ZNF664: variants seen among roughly 807,000 people sequenced by gnomAD.
The protein encoded by ZNF664 is zinc finger protein 664.
In ZNF664, 10 loss-of-function variants were observed where a neutral mutation model predicts 18.2. The observed-to-expected ratio is 0.55, with a 90% confidence interval of 0.34 to 0.93. ZNF664 has a LOEUF of 0.93. ZNF664 is among the 40% of genes least tolerant of loss of function. ZNF664 has a pLI of 0.02. For missense variants in ZNF664, 193 were observed against 319.0 expected (o/e 0.61, Z 3.01); for synonymous variants, 119 against 104.2 (o/e 1.14, Z -0.86).
chr12:123,982,723 A>G (rs371094649), intron 2 of ZNF664, among the ~76,000 whole-genome samples: 1 of 152,234 alleles, frequency 6.6e-6, no homozygotes, highest in East Asian at 1.9e-4. Flanking sequence ...GCAGACGAGG[A>G]CACTCAGGAG....
intron 2 of ZNF664, among the ~76,000 whole-genome samples, chr12:123,978,105 A>G (rs1956717583): frequency 6.6e-6 from 1 of 152,222 alleles, no homozygotes; most frequent in Non-Finnish European, 1.5e-5. Flanking sequence ...AACAATAGAG[A>G]AAATAATAAT....
rs571735552 is a variant in ZNF664, at chr12:123,973,971, G to A, written c.-806G>A. On this transcript the variant is annotated 5_prime_UTR_variant, in exon 2 of 5. Coordinates refer to ENST00000337815, the MANE Select transcript of ZNF664 (RefSeq NM_152437.3). ...GCACCCAGCGCAGAAGGCTGCTGCC[G>A]CCGGACGCCTCCATTGTTTGACCAC... 2 of 1,231,798 alleles carry A rather than the reference G, an allele frequency of 1.6e-6. No homozygotes were observed. Among genetic ancestry groups the A allele is most frequent in the Non-Finnish European group, 2.0e-6 (2 of 988,098 alleles). The allele number at this position is 1,231,798 out of a possible 1,614,324, so 76.3% of individuals were successfully genotyped here. A position where few individuals can be genotyped will look rare whatever the true frequency, so the allele number is the denominator to read the frequency against.
chr12:124,008,775 C>G (rs1422399324), intron 3 of ZNF664, among the ~76,000 whole-genome samples: 1 of 152,104 alleles, frequency 6.6e-6, no homozygotes, highest in Non-Finnish European at 1.5e-5. Context: ...CTTTCTTATT[C>G]CTTTTGATGC....
At chr12:124,011,243 G>C (rs1423425551) in intron 3 of ZNF664, 138 bp from the exon 4 acceptor site, 1 of 962,770 alleles carries the variant, frequency 1.0e-6, no homozygotes, top group Admixed American at 6.2e-5. Context: ...CTCACATGTA[G>C]GTCTTTTTGA....
At chr12:124,009,934 C>T (rs148390974) in intron 3 of ZNF664, among the ~76,000 whole-genome samples, 29 of 150,168 alleles carry the variant, frequency 1.9e-4, no homozygotes, top group African/African-American at 6.1e-4. Flanking sequence ...CACTCCATGT[C>T]AGTGCACAGT....
chr12:123,973,874 T>A lies in ZNF664; in HGVS notation c.-891-12T>A. The stretch of plus-strand genomic sequence containing the variant: ...GAGGAGCCGGCTGCATGGGGTGCTG[T>A]GTGTTTTTCAGGGCGCCCTGCGTCC... On this transcript the variant is annotated splice_polypyrimidine_tract_variant and intron_variant, in intron 1 of 4. Coordinates refer to ENST00000337815, the MANE Select transcript of ZNF664 (RefSeq NM_152437.3). 1 of 1,038,842 alleles carries A rather than the reference T, an allele frequency of 9.6e-7. No homozygotes were observed. The highest frequency in any genetic ancestry group is 1.2e-6 in the Non-Finnish European group (1 of 820,988). 64.4% of individuals were successfully genotyped at this position (1,038,842 alleles called of 1,614,324 possible).
At position 124,013,207 on chromosome 12, in the gene ZNF664, A is replaced by C; in HGVS notation, c.*277A>C. On this transcript the variant is annotated 3_prime_UTR_variant, in exon 5 of 5. Transcript: ENST00000337815. ...TCCAGCACGATGCCTCCATAGTTGA[A>C]AGACTACACAAAAAGCCACAATCAT... 2.2e-6 allele frequency: 1 copy of C among 456,932 alleles called. No homozygotes were observed. Among genetic ancestry groups the C allele is most frequent in the Non-Finnish European group, 4.0e-6 (1 of 250,464 alleles). 28.3% of individuals were successfully genotyped at this position (456,932 alleles called of 1,614,324 possible).
intron 2 of ZNF664, among the ~76,000 whole-genome samples, chr12:123,985,648 T>C (rs1397109378): frequency 1.3e-5 from 2 of 152,196 alleles, no homozygotes; most frequent in Non-Finnish European, 2.9e-5. Flanking sequence ...GGAGGTGGGA[T>C]TTGACCTCTC....
chr12:123,980,460 C>G (rs1227678175), intron 2 of ZNF664, among the ~76,000 whole-genome samples: 2 of 151,958 alleles, frequency 1.3e-5, no homozygotes, highest in East Asian at 3.9e-4. Flanking sequence ...TAGGAACCAT[C>G]AAAAGAATAT....
chr12:123,988,551 T>G (rs1279391553), intron 3 of ZNF664, among the ~76,000 whole-genome samples: 1 of 152,152 alleles, frequency 6.6e-6, no homozygotes, highest in Non-Finnish European at 1.5e-5. Flanking sequence ...TCAAAACTTT[T>G]TAAAAGCTCG....
Position 124,011,890 on chromosome 12 carries a change from T to G in ZNF664, c.-255T>G, listed in dbSNP as rs764611740. The G allele has an allele frequency of 7.8e-7, 1 of 1,281,858 alleles. No homozygotes were observed. Among genetic ancestry groups the G allele is most frequent in the Non-Finnish European group, 9.8e-7 (1 of 1,018,560 alleles). The allele number at this position is 1,281,858 out of a possible 1,614,324, so 79.4% of individuals were successfully genotyped here. On this transcript the variant is annotated 5_prime_UTR_variant, in exon 5 of 5. Transcript: ENST00000337815. ...AAAACAAAGTTCTGTGTTAATGAGT[T>G]ACAGAATTCACGTGGAAGTCAATGT... is the stretch of plus-strand genomic sequence containing the variant.
intron 3 of ZNF664, among the ~76,000 whole-genome samples, chr12:123,990,540 C>G (rs1165119835): frequency 6.6e-6 from 1 of 152,156 alleles, no homozygotes; most frequent in Non-Finnish European, 1.5e-5. Flanking sequence ...CCGGTCTGTT[C>G]TTCTTTTCTT....
intron 3 of ZNF664, among the ~76,000 whole-genome samples, chr12:124,011,031 T>C (rs1007979232): frequency 3.9e-5 from 6 of 152,222 alleles, no homozygotes; most frequent in African/African-American, 1.2e-4. Flanking sequence ...GATTTTATTT[T>C]AAGTACATCA....
At chr12:123,981,830 A>G (rs1357268015) in intron 2 of ZNF664, among the ~76,000 whole-genome samples, 1 of 152,256 alleles carries the variant, frequency 6.6e-6, no homozygotes, top group Non-Finnish European at 1.5e-5. Context: ...TAGCTATGGT[A>G]TTAAAATCAA....
At chr12:124,008,147 G>A (rs1174675205) in intron 3 of ZNF664, among the ~76,000 whole-genome samples, 4 of 150,924 alleles carry the variant, frequency 2.7e-5, no homozygotes, top group Non-Finnish European at 5.9e-5. Flanking sequence ...TTTTTCCCTC[G>A]TGTCCTTATT....
At chr12:123,973,676 A>T in intron 1 of ZNF664, 4 of 811,244 alleles carry the variant, frequency 4.9e-6, no homozygotes, top group Non-Finnish European at 6.4e-6. Flanking sequence ...AGGCCGGGCG[A>T]GGCCCCTCGG....
At position 123,973,980 on chromosome 12, in the gene ZNF664, C is replaced by T; in HGVS notation, c.-797C>T. On this transcript the variant is annotated 5_prime_UTR_variant, in exon 2 of 5. Transcript: ENST00000337815. ...GCAGAAGGCTGCTGCCGCCGGACGC[C>T]TCCATTGTTTGACCACAACAAGGGC... 1.6e-6 allele frequency: 2 copies of T among 1,231,942 alleles called. No individual in the cohort carries two copies. The highest frequency in any genetic ancestry group is 2.0e-6 in the Non-Finnish European group (2 of 988,106). The allele number at this position is 1,231,942 out of a possible 1,614,324, so 76.3% of individuals were successfully genotyped here.
chr12:124,010,586 G>A (rs1957124483), intron 3 of ZNF664, among the ~76,000 whole-genome samples: 3 of 152,106 alleles, frequency 2.0e-5, no homozygotes, highest in Admixed American at 2.0e-4. Flanking sequence ...TATGTGTGTG[G>A]GTGCCAGAGG....
intron 3 of ZNF664, among the ~76,000 whole-genome samples, chr12:123,997,294 C>T (rs1427922411): frequency 1.3e-5 from 2 of 152,184 alleles, no homozygotes; most frequent in African/African-American, 2.4e-5. Context: ...CAAAATTTCA[C>T]TGAGAGCATG....
Sources: gnomAD v4.1 joint callset for allele counts (sites outside exome capture counted in the v4.1 genomes callset) on GRCh38, gnomAD v4.1.1 for gene constraint, MANE v1.5 for transcripts, NCBI Gene and HGNC (gene_info 2026-07-23, HGNC 2026-07-21) for gene names.